Variants in TUBAL3 observed in about 807,000 individuals in gnomAD.
TUBAL3 encodes the protein tubulin alpha chain-like 3.
A neutral mutation model predicts 15.5 loss-of-function variants in TUBAL3; 16 were observed. That is an observed-to-expected ratio of 1.04 (90% confidence interval 0.70 to 1.57). The LOEUF is 1.57. TUBAL3 is among the 40% of genes most tolerant of loss of function. The probability of loss-of-function intolerance (pLI) is 0.00; values close to 1 mark genes in which losing one functional copy is unlikely to be tolerated. For missense variants in TUBAL3, 609 were observed against 576.2 expected (o/e 1.06, Z -0.58); for synonymous variants, 238 against 224.3 (o/e 1.06, Z -0.55).
chr10:5,404,502 A>G (rs1006768384), intron 1 of TUBAL3, among the ~76,000 whole-genome samples: 3 of 152,210 alleles, frequency 2.0e-5, no homozygotes, highest in African/African-American at 7.2e-5. Flanking sequence ...ACAAAGGTGA[A>G]AACTAAAGGA....
chr10:5,401,597 C>T (rs1831852223), intron 1 of TUBAL3, among the ~76,000 whole-genome samples: 1 of 152,038 alleles, frequency 6.6e-6, no homozygotes, highest in South Asian at 2.1e-4. Context: ...CTTTACCATT[C>T]ATATGCACTC....
At chr10:5,401,532 A>G (rs1831851469) in intron 1 of TUBAL3, among the ~76,000 whole-genome samples, 1 of 152,118 alleles carries the variant, frequency 6.6e-6, no homozygotes, top group Admixed American at 6.6e-5. Context: ...AACTAAAATC[A>G]ATATATAGCC....
intron 2 of TUBAL3, among the ~76,000 whole-genome samples, chr10:5,398,732 T>C (rs1831803631): frequency 6.8e-6 from 1 of 146,608 alleles, no homozygotes; most frequent in Admixed American, 7.0e-5. Flanking sequence ...TGGTAAACGT[T>C]CTTAAAACAT....
chr10:5,395,231 T>C lies in TUBAL3; in HGVS notation c.396+96A>G. ...CCAGAGCCCAGGGAGAGACGGTTGG[T>C]GGCGATGGTGACAGCAGATAATGCT... On this transcript the variant is annotated intron_variant, in intron 3 of 3. Transcript: ENST00000380419. The surrounding 1 kb of genome is among the most constrained non-coding windows in gnomAD (Gnocchi z 4.6). 2.3e-6 allele frequency: 3 copies of C among 1,286,550 alleles called. No individual in the cohort carries two copies. Among genetic ancestry groups the C allele is most frequent in the Non-Finnish European group, 3.1e-6 (3 of 974,148 alleles). The allele number at this position is 1,286,550 out of a possible 1,614,324, so 79.7% of individuals were successfully genotyped here. A position where few individuals can be genotyped will look rare whatever the true frequency, so the allele number is the denominator to read the frequency against.
At position 5,400,918 on chromosome 10, in the gene TUBAL3, G is replaced by A; in HGVS notation, c.173C>T (p.Thr58Ile). The change falls in exon 2 of 4, where the codon ACC becomes ATC. Residue 58 changes from threonine (T) to isoleucine (I), a missense_variant. Thr to Ile is a moderately conservative substitution (Grantham distance 89, BLOSUM62 -1). Transcript: ENST00000380419. The stretch of plus-strand genomic sequence containing the variant: ...CCCAGCTCTTGTCTCACAGAAGAAG[G>A]TATCGAAAGATGCATTTGTGTGCTC... ...KMEHTNASFD[T>I]FFCETRAGKH... The A allele has an allele frequency of 3.7e-6, 6 of 1,614,208 alleles. No homozygotes were observed. Among genetic ancestry groups the A allele is most frequent in the Non-Finnish European group, 5.1e-6 (6 of 1,180,040 alleles).
In TUBAL3 at chr10:5,393,982, C is replaced by G. The variant is rs1428647809; in HGVS notation, c.876G>C (p.Gln292His). Reference sequence around the variant, plus strand: ...CAGTGGTGATGTCTGACACAGAGAACTGCTCATGGTAGGCTTTGTCAGCAG... The same window carrying G: ...CAGTGGTGATGTCTGACACAGAGAAGTGCTCATGGTAGGCTTTGTCAGCAG... Reference protein sequence around the residue: ...IVSADKAYHEQFSVSDITTAC... With the variant: ...IVSADKAYHEHFSVSDITTAC... The change falls in exon 4 of 4, where the codon CAG becomes CAC. Residue 292 changes from glutamine (Q) to histidine (H), a missense_variant. Transcript: ENST00000380419. 2.5e-6 allele frequency: 4 copies of G among 1,614,090 alleles called. No individual in the cohort carries two copies. The African/African-American group carries it at 4.0e-5, about 16-fold the overall frequency.
Position 5,395,285 on chromosome 10 carries a change from C to G in TUBAL3, c.396+42G>C, listed in dbSNP as rs782756848. On this transcript the variant is annotated intron_variant, in intron 3 of 3. Coordinates refer to ENST00000380419, the MANE Select transcript of TUBAL3 (RefSeq NM_024803.3). The surrounding 1 kb of genome is among the most constrained non-coding windows in gnomAD (Gnocchi z 4.6). Reference sequence around the variant, plus strand: ...GAGTTCTGCCGCAGGACCCCACATGCCCCAGGCACAGCCCACTCGGAGGAG... The same window carrying G: ...GAGTTCTGCCGCAGGACCCCACATGGCCCAGGCACAGCCCACTCGGAGGAG... 1.4e-6 allele frequency: 2 copies of G among 1,439,282 alleles called. No individual in the cohort carries two copies. Among genetic ancestry groups the G allele is most frequent in the South Asian group, 3.0e-5 (2 of 65,750 alleles). The allele number at this position is 1,439,282 out of a possible 1,614,324, so 89.2% of individuals were successfully genotyped here.
In TUBAL3 at chr10:5,395,359, T is replaced by C. The variant is rs880001976; in HGVS notation, c.364A>G (p.Ile122Val). The C allele has an allele frequency of 6.3e-7, 1 of 1,590,690 alleles. No homozygotes were observed. Among genetic ancestry groups the C allele is most frequent in the Non-Finnish European group, 8.6e-7 (1 of 1,165,024 alleles). The change falls in exon 3 of 4, where the codon ATC becomes GTC. Residue 122 changes from isoleucine (I) to valine (V), a missense_variant. Transcript: ENST00000380419. This position sits in a 1 kb window ranked among gnomAD's most constrained non-coding sequence, Gnocchi z 4.6. The stretch of plus-strand genomic sequence containing the variant: ...CGGGTCCTCTCCAGCACAAGGTCGA[T>C]GACCTCCGACCCCACAGAGTAACGG... ...RGRYSVGSEV[I>V]DLVLERTRKL... is the part of the protein sequence containing the mutation.
chr10:5,403,449 C>T (rs1831885190), intron 1 of TUBAL3, among the ~76,000 whole-genome samples: 2 of 152,228 alleles, frequency 1.3e-5, no homozygotes, highest in South Asian at 4.2e-4. Context: ...TCTCCACTGG[C>T]TACCACCCAG....
chr10:5,402,643 G>A lies in TUBAL3; in HGVS notation c.4-1556C>T, dbSNP rs1405746649. 2.0e-5 allele frequency among the ~76,000 whole-genome samples: 3 copies of A among 152,218 alleles called. No homozygotes were observed. In the East Asian group the frequency reaches 5.8e-4, roughly 29 times the overall value. On this transcript the variant is annotated intron_variant, in intron 1 of 3. Transcript: ENST00000380419. The stretch of plus-strand genomic sequence containing the variant: ...CAGTCTGTGCCCTGTTAGGAACTGG[G>A]CTTTACAGAAGGAGGTGAGCAGCAG...
At position 5,395,303 on chromosome 10, in the gene TUBAL3, C is replaced by A; in HGVS notation, c.396+24G>T. On this transcript the variant is annotated intron_variant, in intron 3 of 3. Coordinates refer to ENST00000380419, the MANE Select transcript of TUBAL3 (RefSeq NM_024803.3). This position sits in a 1 kb window ranked among gnomAD's most constrained non-coding sequence, Gnocchi z 4.6. ...CCACATGCCCCAGGCACAGCCCACT[C>A]GGAGGAGAGGGGGAGCCACTTGCCA... The A allele has an allele frequency of 1.3e-6, 2 of 1,482,940 alleles. No homozygotes were observed. The highest frequency in any genetic ancestry group is 2.6e-5 in the East Asian group (1 of 38,822). The allele number at this position is 1,482,940 out of a possible 1,614,324, so 91.9% of individuals were successfully genotyped here.
rs568142298 is a variant in TUBAL3 at position 5,395,303 on chromosome 10, C to T, written c.396+24G>A. ...CCACATGCCCCAGGCACAGCCCACT[C>T]GGAGGAGAGGGGGAGCCACTTGCCA... On this transcript the variant is annotated intron_variant, in intron 3 of 3. Transcript: ENST00000380419. This position sits in a 1 kb window ranked among gnomAD's most constrained non-coding sequence, Gnocchi z 4.6. The T allele has an allele frequency of 1.1e-5, 16 of 1,482,940 alleles. No individual in the cohort carries two copies. The highest frequency in any genetic ancestry group is 7.1e-5 in the African/African-American group (5 of 70,384). The allele number at this position is 1,482,940 out of a possible 1,614,324, so 91.9% of individuals were successfully genotyped here.
chr10:5,401,027 C>T lies in TUBAL3; in HGVS notation c.64G>A (p.Glu22Lys), dbSNP rs781869949. 6.2e-7 allele frequency: 1 copy of T among 1,614,052 alleles called. No individual in the cohort carries two copies. The highest frequency in any genetic ancestry group is 2.2e-5 in the East Asian group (1 of 44,894). Residue 22 changes from glutamate to lysine, a missense_variant, in exon 2 of 4, where the codon GAA (glutamate) becomes AAA (lysine). By Grantham distance (56) the Glu-to-Lys change is moderately conservative (BLOSUM62 1). Transcript: ENST00000380419. ...AGIQIGDACW[E>K]LYCLEHGIQP... Reference sequence around the variant, plus strand: ...ATTCCATGTTCCAGGCAATAGAGTTCCCAGCAGGCGTCCCCAATCTGGATG... The same window carrying T: ...ATTCCATGTTCCAGGCAATAGAGTTTCCAGCAGGCGTCCCCAATCTGGATG...
At position 5,395,974 on chromosome 10, in the gene TUBAL3, C is replaced by T. The variant is rs1180618684; in HGVS notation, c.248-499G>A. 3.9e-5 allele frequency among the ~76,000 whole-genome samples: 6 copies of T among 152,144 alleles called. No individual in the cohort carries two copies. Among genetic ancestry groups the T allele is most frequent in the African/African-American group, 1.4e-4 (6 of 41,432 alleles). ...TTTCCCCTGTATGTGTGTCTGTGCT[C>T]TCTCCTCTGATAAGGACACAATTCT... On this transcript the variant is annotated intron_variant, in intron 2 of 3. Transcript: ENST00000380419. The surrounding 1 kb of genome is among the most constrained non-coding windows in gnomAD (Gnocchi z 4.6).
chr10:5,398,752 G>A lies in TUBAL3; in HGVS notation c.247+2092C>T, dbSNP rs1018543499. On this transcript the variant is annotated intron_variant, in intron 2 of 3. Transcript: ENST00000380419. Reference sequence around the variant, plus strand: ...AACGTTCTTAAAACATTATGAGATCGTTTTGCAATATTTTTTTTTGGTTCA... The same window carrying A: ...AACGTTCTTAAAACATTATGAGATCATTTTGCAATATTTTTTTTTGGTTCA... Among the ~76,000 whole-genome samples the A allele has an allele frequency of 3.3e-5, 5 of 151,820 alleles. No individual in the cohort carries two copies. In the East Asian group the frequency reaches 7.8e-4, roughly 24 times the overall value.
At chr10:5,403,884 A>G (rs1831894165) in intron 1 of TUBAL3, among the ~76,000 whole-genome samples, 1 of 152,248 alleles carries the variant, frequency 6.6e-6, no homozygotes, top group Non-Finnish European at 1.5e-5. Flanking sequence ...CTAGAAAAGC[A>G]TAACTCTCAG....
In TUBAL3 at chr10:5,397,704, G is replaced by A. The variant is rs1300681356; in HGVS notation, c.248-2229C>T. On this transcript the variant is annotated intron_variant, in intron 2 of 3. Transcript: ENST00000380419. This position sits in a 1 kb window ranked among gnomAD's most constrained non-coding sequence, Gnocchi z 4.9. Reference sequence around the variant, plus strand: ...ATGGCTTTTGAACAATTACATGATGGCTCCTTAGCTTCCTTAACTACGGTG... The same window carrying A: ...ATGGCTTTTGAACAATTACATGATGACTCCTTAGCTTCCTTAACTACGGTG... Among the ~76,000 whole-genome samples, 1 of 152,058 alleles carries A rather than the reference G, an allele frequency of 6.6e-6. No homozygotes were observed. Among genetic ancestry groups the A allele is most frequent in the East Asian group, 1.9e-4 (1 of 5,182 alleles).
In TUBAL3 at chr10:5,394,443, G is replaced by A; in HGVS notation, c.415C>T (p.Leu139Phe). The change falls in exon 4 of 4, where the codon CTT (leucine) becomes TTT (phenylalanine). Residue 139 changes from leucine to phenylalanine, a missense_variant. Coordinates refer to ENST00000380419, the MANE Select transcript of TUBAL3 (RefSeq NM_024803.3). The surrounding 1 kb of genome is among the most constrained non-coding windows in gnomAD (Gnocchi z 4.3). ...TRKLAEQCGG[L>F]QGFLIFRSFG... ...CTTCGGAAAATCAAAAATCCCTGAA[G>A]TCCACCACACTGTTCTGCCTGGAGA... 1 of 1,610,348 alleles carries A rather than the reference G, an allele frequency of 6.2e-7. No homozygotes were observed. Among genetic ancestry groups the A allele is most frequent in the Non-Finnish European group, 8.5e-7 (1 of 1,178,322 alleles).
In TUBAL3 at chr10:5,401,335, T is replaced by C. The variant is rs529246607; in HGVS notation, c.4-248A>G. On this transcript the variant is annotated intron_variant, in intron 1 of 3. Coordinates refer to ENST00000380419, the MANE Select transcript of TUBAL3 (RefSeq NM_024803.3). ...ATTTTAACAACATAAATTAAGCACCTACTCTGTACTTGGCTAAGAATTGAA... is the reference window on the plus strand; with the variant it reads ...ATTTTAACAACATAAATTAAGCACCCACTCTGTACTTGGCTAAGAATTGAA... Among the ~76,000 whole-genome samples, 3 of 152,316 alleles carry C rather than the reference T, an allele frequency of 2.0e-5. No homozygotes were observed. In the South Asian group the frequency reaches 6.2e-4, roughly 32 times the overall value.
Sources: allele counts gnomAD v4.1 joint callset (sites outside exome capture counted in the v4.1 genomes callset), GRCh38; gene constraint gnomAD v4.1.1; non-coding constraint Gnocchi (gnomAD v3.1); transcripts MANE v1.5; gene names NCBI Gene and HGNC (gene_info 2026-07-23, HGNC 2026-07-21).